Variants in TLN2 observed in about 807,000 individuals in gnomAD.
The protein encoded by TLN2 is talin 2, also known as talin-2.
Under a neutral mutation model 294.7 loss-of-function variants are expected in TLN2, and 118 were observed. The ratio of observed to expected loss-of-function variants is 0.40; its 90% CI spans 0.34 to 0.47. TLN2 has a LOEUF of 0.47. Among genes scored for constraint, TLN2 ranks in the 20% least tolerant of loss-of-function variants. The pLI, the probability that TLN2 is intolerant of heterozygous loss-of-function variation, is 0.84. For synonymous variants in TLN2, 1,431 were observed against 1,304.5 expected, an observed-to-expected ratio of 1.10 and a Z score of -2.09; for missense variants, 3,083 against 3,282.2, an observed-to-expected ratio of 0.94 and a Z score of 1.48.
intron 1 of TLN2, among the ~76,000 whole-genome samples, chr15:62,411,221 C>T (rs561941013): frequency 5.3e-5 from 8 of 152,240 alleles, no homozygotes; most frequent in African/African-American, 1.7e-4. Context: ...GGGAACCCAC[C>T]GCATAGTGGC....
chr15:62,800,653 G>C lies in TLN2; in HGVS notation c.6361G>C (p.Val2121Leu), dbSNP rs765769530. 3.7e-6 allele frequency: 6 copies of C among 1,614,074 alleles called. No individual in the cohort carries two copies. The Admixed American group carries it at 6.7e-5, about 18-fold the overall frequency. The change falls in exon 50 of 59, where the codon GTG becomes CTG. Residue 2121 changes from valine (V) to leucine (L), a missense_variant and splice_region_variant. Physicochemically the swap from Val to Leu is conservative, Grantham distance 32 (BLOSUM62 1). Transcript: ENST00000636159. ...SMYQLKGAAK[V>L]MVTNVTSLLK... ...GTATTCATTCTCCCTTCCTATGCAG[G>C]TGATGGTGACCAATGTCACCTCGCT...
At chr15:62,539,204 T>G (rs1274014612) in intron 1 of TLN2, among the ~76,000 whole-genome samples, 1 of 152,222 alleles carries the variant, frequency 6.6e-6, no homozygotes, top group Non-Finnish European at 1.5e-5. Flanking sequence ...GCAGTGCTGA[T>G]AGAATTGAGG....
chr15:62,622,513 T>G (rs1214967634), intron 3 of TLN2, among the ~76,000 whole-genome samples: 1 of 152,184 alleles, frequency 6.6e-6, no homozygotes, highest in Non-Finnish European at 1.5e-5. Flanking sequence ...TTGATAATCA[T>G]GAAGGGGACA....
At position 62,656,106 on chromosome 15, in the gene TLN2, G is replaced by A. The variant is rs2053175721; in HGVS notation, c.660+20G>A. On this transcript the variant is annotated intron_variant, in intron 8 of 58. Coordinates refer to ENST00000636159, the MANE Select transcript of TLN2 (RefSeq NM_015059.3). ...GTTCAGGTACAGTATTTACTGCTCA[G>A]ACACTGAGGTTGGTGAGATTGCAGG... The A allele has an allele frequency of 6.2e-7, 1 of 1,610,104 alleles. No individual in the cohort carries two copies. The highest frequency in any genetic ancestry group is 1.3e-5 in the African/African-American group (1 of 74,856).
chr15:62,701,071 C>G, intron 16 of TLN2, 35 bp from the exon 17 acceptor site: 6 of 1,576,336 alleles, frequency 3.8e-6, no homozygotes, highest in Non-Finnish European at 5.2e-6. Flanking sequence ...TAATTCTGTG[C>G]TGTGATTGTG....
chr15:62,562,142 T>C (rs12900269), intron 1 of TLN2, among the ~76,000 whole-genome samples: 58,786 of 152,118 alleles, frequency 0.39, 11,746 homozygotes, highest in East Asian at 0.54. Context: ...ATGATATATT[T>C]TGATTTTATT....
At chr15:62,817,010 A>G (rs2141194434) in intron 52 of TLN2, among the ~76,000 whole-genome samples, 1 of 152,290 alleles carries the variant, frequency 6.6e-6, no homozygotes, top group Non-Finnish European at 1.5e-5. Context: ...TTTTATCAGT[A>G]GCTCTTTATA....
chr15:62,633,182 T>C (rs1488347554), intron 3 of TLN2, among the ~76,000 whole-genome samples: 1 of 152,226 alleles, frequency 6.6e-6, no homozygotes, highest in Non-Finnish European at 1.5e-5. Flanking sequence ...GAGGCAGATA[T>C]GCCCTGGTTA....
chr15:62,701,911 C>T (rs2141099482), intron 17 of TLN2, 81 bp from the exon 18 acceptor site: 1 of 1,495,920 alleles, frequency 6.7e-7, no homozygotes, highest in East Asian at 2.3e-5. Context: ...AGGTGAGGAA[C>T]TCCTGCCAGT....
At chr15:62,405,990 G>T (rs1157750533) in intron 1 of TLN2, among the ~76,000 whole-genome samples, 1 of 152,158 alleles carries the variant, frequency 6.6e-6, no homozygotes, top group African/African-American at 2.4e-5. Context: ...CTTTATGAAT[G>T]TGCCTGGTGA....
intron 11 of TLN2, among the ~76,000 whole-genome samples, chr15:62,678,762 C>G (rs1567331382): frequency 1.3e-5 from 2 of 152,156 alleles, no homozygotes; most frequent in Non-Finnish European, 2.9e-5. Context: ...ACCTGGGAGG[C>G]AGAGGTTGCA....
intron 43 of TLN2, among the ~76,000 whole-genome samples, chr15:62,779,555 T>C (rs560335051): frequency 5.9e-5 from 9 of 152,366 alleles, no homozygotes; most frequent in African/African-American, 2.2e-4. Context: ...GTCCTCAGAC[T>C]AGTTAAAGGT....
intron 1 of TLN2, among the ~76,000 whole-genome samples, chr15:62,429,980 C>T (rs971117158): frequency 3.9e-5 from 6 of 152,070 alleles, no homozygotes; most frequent in Non-Finnish European, 8.8e-5. Context: ...GAGACCTGGC[C>T]CGAACTGATA....
At chr15:62,400,850 C>CT (rs1301531059) in intron 1 of TLN2, among the ~76,000 whole-genome samples, 1 of 138,020 alleles carries the variant, frequency 7.2e-6, no homozygotes, top group African/African-American at 2.7e-5. Context: ...GGGTCTCACT[C>CT]TGTCACCCAG....
At chr15:62,557,358 A>T (rs572971189) in intron 1 of TLN2, among the ~76,000 whole-genome samples, 7 of 152,340 alleles carry the variant, frequency 4.6e-5, no homozygotes, top group African/African-American at 1.7e-4. Flanking sequence ...GCATGGAAAC[A>T]GTGAATTTAG....
intron 1 of TLN2, among the ~76,000 whole-genome samples, chr15:62,445,756 T>C (rs1220634988): frequency 7.9e-5 from 12 of 152,022 alleles, no homozygotes; most frequent in Non-Finnish European, 2.9e-5. Context: ...CTCGACTTCC[T>C]GGGCTCAAAG....
chr15:62,723,743 T>G (rs2060282759), intron 26 of TLN2, among the ~76,000 whole-genome samples: 1 of 151,380 alleles, frequency 6.6e-6, no homozygotes, highest in Admixed American at 6.6e-5. Context: ...AGAGATGAGA[T>G]TTCATCATCT....
chr15:62,710,857 C>G lies in TLN2; in HGVS notation c.2468-1054C>G, dbSNP rs530760122. ...TCTTCTGCCTTAGCCTCCTGAGTAGCTGGCACTACAGGCGCCCACCACCAC... is the reference window on the plus strand; with the variant it reads ...TCTTCTGCCTTAGCCTCCTGAGTAGGTGGCACTACAGGCGCCCACCACCAC... On this transcript the variant is annotated intron_variant, in intron 21 of 58. Transcript: ENST00000636159. 2.0e-3 allele frequency among the ~76,000 whole-genome samples: 308 copies of G among 150,356 alleles called. 1 individual carries two copies. The highest frequency in any genetic ancestry group is 7.1e-3 in the African/African-American group (293 of 41,130).
rs536569609 is a variant in TLN2, at chr15:62,717,404, G to A, written c.2764-172G>A. 4.6e-5 allele frequency among the ~76,000 whole-genome samples: 7 copies of A among 152,300 alleles called. No individual in the cohort carries two copies. The East Asian group carries it at 1.4e-3, about 29-fold the overall frequency. The stretch of plus-strand genomic sequence containing the variant: ...TTGTCTCAGAGGACGTCAACACAAG[G>A]AAGATAGCGTGTTGTAAGATTAGGG... On this transcript the variant is annotated intron_variant, in intron 23 of 58. Transcript: ENST00000636159.
Sources: allele counts gnomAD v4.1 joint callset (sites outside exome capture counted in the v4.1 genomes callset), GRCh38; gene constraint gnomAD v4.1.1; transcripts MANE v1.5; gene names NCBI Gene and HGNC (gene_info 2026-07-23, HGNC 2026-07-21).